Variants in NCAM2 observed in about 807,000 individuals in gnomAD.
The protein encoded by NCAM2 is N-CAM-2.
Under a neutral mutation model 98.1 loss-of-function variants are expected in NCAM2, and 30 were observed. The observed-to-expected ratio is 0.31, with a 90% CI of 0.23 to 0.41. NCAM2 has a LOEUF of 0.41. Among genes scored for constraint, NCAM2 ranks in the 10% least tolerant of loss-of-function variants. The pLI, the probability that NCAM2 is intolerant of heterozygous loss-of-function variation, is 1.00. For missense variants in NCAM2, 867 were observed against 1,005.8 expected, an observed-to-expected ratio of 0.86 and a Z score of 1.87; for synonymous variants, 368 against 342.4, an observed-to-expected ratio of 1.07 and a Z score of -0.83.
Position 21,539,459 on chromosome 21 carries a change from A to C in NCAM2, c.*1502A>C, listed in dbSNP as rs1365713142. On this transcript the variant is annotated 3_prime_UTR_variant, in exon 18 of 18. Coordinates refer to ENST00000400546, the MANE Select transcript of NCAM2 (RefSeq NM_004540.5). ...ATTGGAGCAATTTTAACATTGCAGAAACCTGCTCTGGGTGTGTCTCTCTGT... is the reference window on the plus strand; with the variant it reads ...ATTGGAGCAATTTTAACATTGCAGACACCTGCTCTGGGTGTGTCTCTCTGT... 6.6e-6 allele frequency: 1 copy of C among 152,158 alleles called. No homozygotes were observed. The highest frequency in any genetic ancestry group is 1.5e-5 in the Non-Finnish European group (1 of 68,040). The allele number at this position is 152,158 out of a possible 1,614,324, so 9.4% of individuals were successfully genotyped here.
intron 15 of NCAM2, among the ~76,000 whole-genome samples, chr21:21,493,021 A>G (rs1015700140): frequency 1.3e-5 from 2 of 150,588 alleles, no homozygotes; most frequent in Non-Finnish European, 2.9e-5. Context: ...AAAACATCCT[A>G]TTTCTTAGTG....
At chr21:21,476,609 A>T (rs1463032932) in intron 14 of NCAM2, among the ~76,000 whole-genome samples, 1 of 152,026 alleles carries the variant, frequency 6.6e-6, no homozygotes, top group Non-Finnish European at 1.5e-5. Flanking sequence ...TAATTTTTTC[A>T]AATAAAGGGA....
chr21:21,272,508 G>GCGCGCGCA (rs1413165274), intron 1 of NCAM2, among the ~76,000 whole-genome samples: 2 of 149,598 alleles, frequency 1.3e-5, no homozygotes, highest in African/African-American at 4.9e-5. Flanking sequence ...GCGCGCGCGC[G>GCGCGCGCA]CACACACACA....
In NCAM2 at chr21:21,530,338, CATAATTAAATT is replaced by C. The variant is rs1569142299; in HGVS notation, c.2283-4197_2283-4187del. On this transcript the variant is annotated intron_variant, in intron 16 of 17. Transcript: ENST00000400546. Reference sequence around the variant, plus strand: ...TATAATTAAATTAAATTAAATTATACATAATTAAATTAAAATATAATTTGATTACATTAAAT... The same window carrying C: ...TATAATTAAATTAAATTAAATTATACAAAATATAATTTGATTACATTAAAT... Among the ~76,000 whole-genome samples the C allele has an allele frequency of 6.8e-4, 50 of 73,360 alleles. 2 individuals carry two copies. The highest frequency in any genetic ancestry group is 2.7e-4 in the Non-Finnish European group (11 of 40,996). 48.1% of individuals were successfully genotyped at this position (73,360 alleles called of 152,430 possible).
chr21:21,193,492 CTTTTTTTTTT>C (rs768928139), intron 1 of NCAM2, among the ~76,000 whole-genome samples: 1 of 123,790 alleles, frequency 8.1e-6, no homozygotes, highest in African/African-American at 3.1e-5. Flanking sequence ...AGTACTTTTC[CTTTTTTTTTT>C]TTTTTTTTTT....
intron 1 of NCAM2, among the ~76,000 whole-genome samples, chr21:21,271,204 A>AT (rs1414825681): frequency 6.6e-6 from 1 of 152,158 alleles, no homozygotes; most frequent in African/African-American, 2.4e-5. Context: ...AATGTATTTA[A>AT]TTTTTGTTTT....
At chr21:21,320,749 A>G (rs771648330) in intron 5 of NCAM2, among the ~76,000 whole-genome samples, 15 of 152,158 alleles carry the variant, frequency 9.9e-5, no homozygotes, top group Non-Finnish European at 2.1e-4. Flanking sequence ...TCTTTACCTC[A>G]TATAAGCAAT....
chr21:21,467,573 C>T (rs1110728), intron 13 of NCAM2, among the ~76,000 whole-genome samples: 84,573 of 151,222 alleles, frequency 0.56, 25,026 homozygotes, highest in African/African-American at 0.7. Flanking sequence ...CAGCCAGATA[C>T]GGTGGCTTAC....
At chr21:21,465,645 T>G (rs1286831163) in intron 12 of NCAM2, among the ~76,000 whole-genome samples, 1 of 152,018 alleles carries the variant, frequency 6.6e-6, no homozygotes, top group Non-Finnish European at 1.5e-5. Flanking sequence ...ACTATAGTTC[T>G]GCAAAGATAA....
intron 1 of NCAM2, among the ~76,000 whole-genome samples, chr21:21,217,979 T>A (rs948985546): frequency 6.6e-6 from 1 of 152,210 alleles, no homozygotes; most frequent in Non-Finnish European, 1.5e-5. Context: ...AGCCATAGAA[T>A]CTCCAGAATG....
chr21:21,464,890 G>T (rs1983475283), intron 12 of NCAM2, among the ~76,000 whole-genome samples: 1 of 152,048 alleles, frequency 6.6e-6, no homozygotes, highest in African/African-American at 2.4e-5. Flanking sequence ...TCAAGCCTTG[G>T]CTATGCCATT....
chr21:21,175,787 G>A (rs1009043228), intron 1 of NCAM2, among the ~76,000 whole-genome samples: 4 of 152,152 alleles, frequency 2.6e-5, no homozygotes, highest in Admixed American at 1.3e-4. Context: ...TTCAGTGTTA[G>A]TGATCAGTAG....
chr21:21,244,228 T>G (rs2071175883), intron 1 of NCAM2, among the ~76,000 whole-genome samples: 1 of 152,010 alleles, frequency 6.6e-6, no homozygotes, highest in South Asian at 2.1e-4. Context: ...TAAAACCCCT[T>G]TACTATAAAA....
At chr21:21,313,951 T>G (rs2074137598) in intron 5 of NCAM2, among the ~76,000 whole-genome samples, 1 of 152,098 alleles carries the variant, frequency 6.6e-6, no homozygotes, top group Non-Finnish European at 1.5e-5. Context: ...TAGCATCATA[T>G]AGGTCCCTAC....
chr21:21,487,503 G>T (rs1410661643), intron 15 of NCAM2, among the ~76,000 whole-genome samples: 1 of 151,974 alleles, frequency 6.6e-6, no homozygotes. Context: ...AGAAATATAT[G>T]TCTATGTCCA....
intron 1 of NCAM2, among the ~76,000 whole-genome samples, chr21:21,081,820 GA>G (rs1160756706): frequency 6.6e-6 from 1 of 150,980 alleles, no homozygotes; most frequent in African/African-American, 2.5e-5. Context: ...GAAAAAAAAA[GA>G]AAAAAAAATT....
chr21:21,381,437 A>G (rs1253794676), intron 9 of NCAM2, among the ~76,000 whole-genome samples: 7 of 151,038 alleles, frequency 4.6e-5, no homozygotes, highest in South Asian at 2.1e-4. Context: ...TCTGCCTTCT[A>G]TTGAGTTATT....
intron 8 of NCAM2, among the ~76,000 whole-genome samples, chr21:21,367,368 T>C (rs1159468563): frequency 6.6e-6 from 1 of 151,934 alleles, no homozygotes; most frequent in Non-Finnish European, 1.5e-5. Context: ...ATGTGAAATG[T>C]TTTATTATTT....
Position 21,043,424 on chromosome 21 carries a change from A to C in NCAM2, c.55+44806A>C, listed in dbSNP as rs183171488. ...GTATATAAATTGGATAGCCGCACAT[A>C]TGGCACCTAATAAGGAGTTGTTGCT... On this transcript the variant is annotated intron_variant, in intron 1 of 17. Transcript: ENST00000400546. Among the ~76,000 whole-genome samples, 8 of 152,300 alleles carry C rather than the reference A, an allele frequency of 5.3e-5. No homozygotes were observed. The East Asian group carries it at 1.5e-3, about 29-fold the overall frequency.
Sources: gnomAD v4.1 joint callset for allele counts (sites outside exome capture counted in the v4.1 genomes callset) on GRCh38, gnomAD v4.1.1 for gene constraint, MANE v1.5 for transcripts, NCBI Gene and HGNC (gene_info 2026-07-23, HGNC 2026-07-21) for gene names.